CNBD1: variants seen among roughly 807,000 people sequenced by gnomAD.
The protein encoded by CNBD1 is cyclic nucleotide-binding domain-containing protein 1.
In CNBD1, 71 loss-of-function variants were observed where a neutral mutation model predicts 54.4. The observed-to-expected ratio is 1.30, with a 90% CI of 1.08 to 1.59. The LOEUF is 1.59. CNBD1 is among the 40% of genes most tolerant of loss of function. The pLI, the probability that CNBD1 is intolerant of heterozygous loss-of-function variation, is 0.00. For missense variants in CNBD1, 659 were observed against 518.0 expected (o/e 1.27, Z -2.64); for synonymous variants, 182 against 170.7 (o/e 1.07, Z -0.51).
chr8:87,212,636 G>C (rs1035687012), intron 5 of CNBD1, among the ~76,000 whole-genome samples: 1 of 152,052 alleles, frequency 6.6e-6, no homozygotes, highest in Non-Finnish European at 1.5e-5. Flanking sequence ...ATTATGCTTG[G>C]AGACCTAAAT....
At chr8:87,250,544 T>G (rs1333747931) in intron 6 of CNBD1, among the ~76,000 whole-genome samples, 2 of 152,200 alleles carry the variant, frequency 1.3e-5, no homozygotes, top group African/African-American at 4.8e-5. Context: ...GCAGCACTAT[T>G]CACAATAGCC....
At position 87,398,307 on chromosome 8, in the gene CNBD1, A is replaced by G. The variant is rs190277177; in HGVS notation, c.214-30239A>G. Among the ~76,000 whole-genome samples, 575 of 151,754 alleles carry G rather than the reference A, an allele frequency of 3.8e-3. 6 individuals carry two copies. Among genetic ancestry groups the G allele is most frequent in the African/African-American group, 0.014 (558 of 41,328 alleles). ...ACATTTTCCATTTCTAGTACCATCCAATTTTATTCCTATTTGTTGCCAAAT... is the reference window on the plus strand; with the variant it reads ...ACATTTTCCATTTCTAGTACCATCCGATTTTATTCCTATTTGTTGCCAAAT... On this transcript the variant is annotated intron_variant, in intron 2 of 7. Coordinates refer to the CNBD1 transcript ENST00000521593.
rs543598150 is a variant in CNBD1, at chr8:87,270,882, C to A, written c.772-13796C>A. On this transcript the variant is annotated intron_variant, in intron 6 of 10. Transcript: ENST00000518476. ...TCCTTAAATTTTTGTTAGAATACAG[C>A]AGTGAAGCTGTAATGTCCTGGGCTT... Among the ~76,000 whole-genome samples, 151 of 151,830 alleles carry A rather than the reference C, an allele frequency of 9.9e-4. 2 individuals are homozygous for A. The Middle Eastern group carries it at 0.01, about 10-fold the overall frequency.
At chr8:86,980,637 T>G (rs1808466290) in intron 4 of CNBD1, among the ~76,000 whole-genome samples, 1 of 152,208 alleles carries the variant, frequency 6.6e-6, no homozygotes, top group African/African-American at 2.4e-5. Flanking sequence ...TTGGTTACAC[T>G]TTGCCGTGTT....
chr8:87,316,869 G>T (rs961539366), intron 8 of CNBD1, among the ~76,000 whole-genome samples: 9 of 151,504 alleles, frequency 5.9e-5, no homozygotes, highest in Non-Finnish European at 1.0e-4. Flanking sequence ...AGTATTAATC[G>T]ATATGAATTT....
Position 87,332,671 on chromosome 8 carries a change from G to A in CNBD1, c.1043-19014G>A, listed in dbSNP as rs115123047. On this transcript the variant is annotated intron_variant, in intron 8 of 10. Coordinates refer to ENST00000518476, the MANE Select transcript of CNBD1 (RefSeq NM_173538.3). ...ATTGCTTGATTTTATTAGGTTTGTC[G>A]AATATCAGATGGTTGTAGATATGTG... 2.7e-3 allele frequency among the ~76,000 whole-genome samples: 413 copies of A among 152,080 alleles called. 1 individual carries two copies. Among genetic ancestry groups the A allele is most frequent in the African/African-American group, 9.2e-3 (381 of 41,496 alleles).
intron 5 of CNBD1, among the ~76,000 whole-genome samples, chr8:87,229,270 C>T (rs13262533): frequency 0.4 from 60,210 of 152,082 alleles, 13,322 homozygotes; most frequent in Non-Finnish European, 0.49. Context: ...ATCTTGGCTC[C>T]TCCCCCCGAT....
At chr8:87,160,056 C>T (rs1006369248) in intron 4 of CNBD1, among the ~76,000 whole-genome samples, 1 of 151,686 alleles carries the variant, frequency 6.6e-6, no homozygotes, top group Non-Finnish European at 1.5e-5. Flanking sequence ...TATATATACA[C>T]AGATGTGTTT....
chr8:87,327,062 CGT>C lies in CNBD1; in HGVS notation c.1043-24619_1043-24618del, dbSNP rs200247276. On this transcript the variant is annotated intron_variant, in intron 8 of 10. Transcript: ENST00000518476. Reference sequence around the variant, plus strand: ...CTGCAGATCTGTTGGAATACCCTGCCGTGTGAGGTGTCAGTGTGCCCCTGCTG... The same window carrying C: ...CTGCAGATCTGTTGGAATACCCTGCCGTGAGGTGTCAGTGTGCCCCTGCTG... Among the ~76,000 whole-genome samples, 945 of 149,600 alleles carry C rather than the reference CGT, an allele frequency of 6.3e-3. 13 individuals carry two copies. Among genetic ancestry groups the C allele is most frequent in the African/African-American group, 0.022 (901 of 40,514 alleles).
At chr8:87,388,167 G>T (rs1251068144) in intron 2 of CNBD1, among the ~76,000 whole-genome samples, 2 of 152,060 alleles carry the variant, frequency 1.3e-5, no homozygotes, top group Non-Finnish European at 2.9e-5. Context: ...ATCTAAAATT[G>T]ACACCCTAAC....
chr8:87,339,090 C>G (rs1335821595), intron 8 of CNBD1, among the ~76,000 whole-genome samples: 2 of 151,732 alleles, frequency 1.3e-5, no homozygotes, highest in Admixed American at 1.3e-4. Flanking sequence ...TCCTTCAGGT[C>G]AAGCAGATTA....
intron 4 of CNBD1, among the ~76,000 whole-genome samples, chr8:87,082,910 A>G (rs1755601753): frequency 6.6e-6 from 1 of 152,168 alleles, no homozygotes; most frequent in African/African-American, 2.4e-5. Flanking sequence ...CTTTACAAAA[A>G]CTTTTTAGTG....
chr8:87,338,079 G>A (rs1809985849), intron 8 of CNBD1, among the ~76,000 whole-genome samples: 1 of 152,070 alleles, frequency 6.6e-6, no homozygotes, highest in Non-Finnish European at 1.5e-5. Flanking sequence ...ATTAGAGGTT[G>A]CCTTAAAGTT....
intron 4 of CNBD1, among the ~76,000 whole-genome samples, chr8:86,952,661 A>T (rs1756338110): frequency 6.6e-6 from 1 of 151,998 alleles, no homozygotes; most frequent in African/African-American, 2.4e-5. Context: ...TATATAATAA[A>T]AATGTATATT....
chr8:86,869,700 A>T (rs1057042434), intron 1 of CNBD1, among the ~76,000 whole-genome samples: 5 of 152,176 alleles, frequency 3.3e-5, no homozygotes, highest in African/African-American at 1.2e-4. Flanking sequence ...TTCATTCTGG[A>T]TGAGAATTAT....
chr8:87,128,278 G>A (rs1812040189), intron 4 of CNBD1, among the ~76,000 whole-genome samples: 1 of 152,208 alleles, frequency 6.6e-6, no homozygotes, highest in South Asian at 2.1e-4. Context: ...GGCTAAAAGA[G>A]GATACTGTAA....
intron 4 of CNBD1, among the ~76,000 whole-genome samples, chr8:86,999,653 CT>C (rs956755179): frequency 6.6e-6 from 1 of 152,154 alleles, no homozygotes; most frequent in African/African-American, 2.4e-5. Flanking sequence ...CTTTAGATTT[CT>C]TAAGCACATA....
At chr8:87,106,947 A>G (rs948033588) in intron 4 of CNBD1, among the ~76,000 whole-genome samples, 6 of 151,506 alleles carry the variant, frequency 4.0e-5, no homozygotes, top group Admixed American at 1.3e-4. Flanking sequence ...CTCTGCCTCA[A>G]CCTCCCGAGT....
chr8:87,364,769 T>C (rs1810606727), intron 10 of CNBD1, among the ~76,000 whole-genome samples: 1 of 152,124 alleles, frequency 6.6e-6, no homozygotes, highest in Non-Finnish European at 1.5e-5. Flanking sequence ...CTGCATTAAT[T>C]TATAAGGATA....
Sources: allele counts gnomAD v4.1 joint callset (sites outside exome capture counted in the v4.1 genomes callset), GRCh38; gene constraint gnomAD v4.1.1; transcripts MANE v1.5; gene names NCBI Gene and HGNC (gene_info 2026-07-23, HGNC 2026-07-21).